Variants in EEF1AKMT1 observed in about 807,000 individuals in gnomAD.
EEF1AKMT1 encodes the protein EEF1A lysine methyltransferase 1, also known as N-6 adenine-specific DNA methyltransferase 2 (putative).
A neutral mutation model predicts 21.0 loss-of-function variants in EEF1AKMT1; 18 were observed. The observed-to-expected ratio is 0.86, with a 90% confidence interval of 0.59 to 1.27. EEF1AKMT1 has a LOEUF of 1.27. EEF1AKMT1 is among the 50% of genes most tolerant of loss of function. The pLI, the probability that EEF1AKMT1 is intolerant of heterozygous loss-of-function variation, is 0.00. For missense variants in EEF1AKMT1, 246 were observed against 258.6 expected (o/e 0.95, Z 0.33); for synonymous variants, 109 against 94.8 (o/e 1.15, Z -0.87).
At chr13:20,738,977 A>G (rs922909698) in intron 2 of EEF1AKMT1, among the ~76,000 whole-genome samples, 2 of 152,208 alleles carry the variant, frequency 1.3e-5, no homozygotes, top group African/African-American at 4.8e-5. Flanking sequence ...GACCCTCACG[A>G]TGAGTGTGAC....
chr13:20,739,086 G>A (rs1202118124), intron 2 of EEF1AKMT1, among the ~76,000 whole-genome samples: 4 of 152,146 alleles, frequency 2.6e-5, no homozygotes, highest in East Asian at 1.9e-4. Flanking sequence ...GCTGGCTTCA[G>A]GAGTGAAGCT....
At chr13:20,771,786 A>G (rs1203517434) in intron 1 of EEF1AKMT1, among the ~76,000 whole-genome samples, 1 of 152,174 alleles carries the variant, frequency 6.6e-6, no homozygotes, top group Non-Finnish European at 1.5e-5. Flanking sequence ...CGAGGCGGGC[A>G]GATCACCTTA....
intron 1 of EEF1AKMT1, among the ~76,000 whole-genome samples, chr13:20,765,376 C>G (rs963404435): frequency 1.6e-5 from 2 of 123,616 alleles, no homozygotes; most frequent in African/African-American, 3.1e-5. Context: ...AAGCCTATTT[C>G]ATTATTTGCT....
In EEF1AKMT1 at chr13:20,757,591, T is replaced by A; in HGVS notation, c.8A>T (p.Asp3Val). ...CTGGGGTGTCTCATCATCTTCCAAA[T>A]CACTCATTTCACAAGTTGTTTATAA... Reference protein sequence around the residue: MSDLEDDETPQLS... With the variant: MSVLEDDETPQLS... Residue 3 changes from aspartate (D) to valine (V), a missense_variant, in exon 2 of 5, where the codon GAT becomes GTT. By Grantham distance (152) the Asp-to-Val change is radical (BLOSUM62 -3). Transcript: ENST00000382758. 6.2e-7 allele frequency: 1 copy of A among 1,613,918 alleles called. No homozygotes were observed. Among genetic ancestry groups the A allele is most frequent in the Non-Finnish European group, 8.5e-7 (1 of 1,179,818 alleles).
rs1378711452 is a variant in EEF1AKMT1 at position 20,757,450 on chromosome 13, C to T, written c.144+5G>A. On this transcript the variant is annotated splice_donor_5th_base_variant and intron_variant, in intron 2 of 4. Transcript: ENST00000382758. ...TCCTGATGGCTGTGAAATGCATTTA[C>T]TTACCCAATTCTCTTCTATTATTCC... The T allele has an allele frequency of 1.2e-6, 2 of 1,613,848 alleles. No individual in the cohort carries two copies. The highest frequency in any genetic ancestry group is 1.7e-5 in the Admixed American group (1 of 60,004).
At chr13:20,770,221 G>C (rs1164283145) in intron 1 of EEF1AKMT1, among the ~76,000 whole-genome samples, 1 of 151,300 alleles carries the variant, frequency 6.6e-6, no homozygotes, top group East Asian at 1.9e-4. Flanking sequence ...AAAAAATACT[G>C]CATAACTCCA....
At chr13:20,759,614 A>C (rs2058989452) in intron 1 of EEF1AKMT1, among the ~76,000 whole-genome samples, 1 of 143,294 alleles carries the variant, frequency 7.0e-6, no homozygotes, top group Admixed American at 7.3e-5. Flanking sequence ...GAAACAAAAA[A>C]AAAAAGAAAC....
chr13:20,729,082 A>G lies in EEF1AKMT1; in HGVS notation c.643T>C (p.Ter215ArgextTer6). The part of the protein sequence containing the change: ...NYDSGLDCGI[*>R] ...CTGTGTTATGTCACCGTCTGTAATC[A>G]GATCCCACAGTCCAGCCCAGAATCA... Residue 215 changes from the stop codon to arginine, a stop_lost, in exon 5 of 5, where the codon TGA (stop) becomes CGA (arginine). Transcript: ENST00000382758. 1 of 1,614,216 alleles carries G rather than the reference A, an allele frequency of 6.2e-7. No individual in the cohort carries two copies. The highest frequency in any genetic ancestry group is 8.5e-7 in the Non-Finnish European group (1 of 1,180,040).
In EEF1AKMT1 at chr13:20,740,431, G is replaced by A. The variant is rs2058862929; in HGVS notation, c.145-2626C>T. Among the ~76,000 whole-genome samples, 5 of 152,256 alleles carry A rather than the reference G, an allele frequency of 3.3e-5. No individual in the cohort carries two copies. In the South Asian group the frequency reaches 1.0e-3, roughly 31 times the overall value. On this transcript the variant is annotated intron_variant, in intron 2 of 4. Transcript: ENST00000382758. Reference sequence around the variant, plus strand: ...CAACAGTGGCCAGAGTGGGCGCTGAGGCCGAGGAGGTGCCAAGAGCAAGCG... The same window carrying A: ...CAACAGTGGCCAGAGTGGGCGCTGAAGCCGAGGAGGTGCCAAGAGCAAGCG...
intron 1 of EEF1AKMT1, among the ~76,000 whole-genome samples, chr13:20,758,559 A>G (rs1433724040): frequency 6.6e-6 from 1 of 152,170 alleles, no homozygotes; most frequent in Non-Finnish European, 1.5e-5. Context: ...TATCCTCAGT[A>G]TGAAAAACAG....
chr13:20,762,881 G>C (rs1224171168), intron 1 of EEF1AKMT1, among the ~76,000 whole-genome samples: 1 of 152,144 alleles, frequency 6.6e-6, no homozygotes, highest in Non-Finnish European at 1.5e-5. Context: ...CATCATGAAT[G>C]GGTGTTGAAT....
chr13:20,735,128 C>T (rs995080989), intron 3 of EEF1AKMT1, among the ~76,000 whole-genome samples: 4 of 152,122 alleles, frequency 2.6e-5, no homozygotes, highest in Non-Finnish European at 5.9e-5. Flanking sequence ...CCTGCAATGG[C>T]CGAATCCTAC....
At chr13:20,760,745 C>A (rs1245256536) in intron 1 of EEF1AKMT1, among the ~76,000 whole-genome samples, 1 of 151,574 alleles carries the variant, frequency 6.6e-6, no homozygotes, top group African/African-American at 2.4e-5. Context: ...AAAGAATACA[C>A]AGATAAAACA....
At chr13:20,759,309 G>A (rs59040838) in intron 1 of EEF1AKMT1, among the ~76,000 whole-genome samples, 1 of 152,184 alleles carries the variant, frequency 6.6e-6, no homozygotes, top group Non-Finnish European at 1.5e-5. Context: ...GCCGGGCGCC[G>A]TGGCTCACGC....
At chr13:20,746,664 C>A (rs1194419595) in intron 2 of EEF1AKMT1, among the ~76,000 whole-genome samples, 1 of 151,678 alleles carries the variant, frequency 6.6e-6, no homozygotes, top group Non-Finnish European at 1.5e-5. Context: ...CTCACTCCAA[C>A]ACCATCAGGG....
chr13:20,759,090 A>G (rs1318831316), intron 1 of EEF1AKMT1, among the ~76,000 whole-genome samples: 3 of 151,874 alleles, frequency 2.0e-5, no homozygotes, highest in African/African-American at 7.3e-5. Context: ...TTAAGAAAAA[A>G]CTCTTTGGAC....
chr13:20,759,863 G>C (rs908956179), intron 1 of EEF1AKMT1, among the ~76,000 whole-genome samples: 1 of 152,092 alleles, frequency 6.6e-6, no homozygotes, highest in East Asian at 1.9e-4. Context: ...CCAGCACTTT[G>C]GGAGGCCAAG....
intron 2 of EEF1AKMT1, among the ~76,000 whole-genome samples, chr13:20,743,721 G>A (rs1205866689): frequency 1.4e-5 from 2 of 147,774 alleles, no homozygotes; most frequent in Non-Finnish European, 3.0e-5. Context: ...TGTGCAGAAT[G>A]TGCAGGTTTG....
At chr13:20,741,414 T>G (rs1366812390) in intron 2 of EEF1AKMT1, among the ~76,000 whole-genome samples, 4 of 151,878 alleles carry the variant, frequency 2.6e-5, no homozygotes, top group Admixed American at 6.6e-5. Context: ...TTTCTGTCAA[T>G]AGCATCCTTT....
Sources: allele counts gnomAD v4.1 joint callset (sites outside exome capture counted in the v4.1 genomes callset), GRCh38; gene constraint gnomAD v4.1.1; transcripts MANE v1.5; gene names NCBI Gene and HGNC (gene_info 2026-07-23, HGNC 2026-07-21).